Variants in RHEB observed in about 807,000 individuals in gnomAD.
RHEB encodes the protein GTP-binding protein Rheb.
In RHEB, 2 loss-of-function variants were observed where a neutral mutation model predicts 28.8. The ratio of observed to expected loss-of-function variants is 0.07; its 90% CI spans 0.03 to 0.22. The LOEUF (loss-of-function observed/expected upper bound fraction) is 0.22. RHEB is among the 10% of genes least tolerant of loss of function. The pLI, the probability that RHEB is intolerant of heterozygous loss-of-function variation, is 1.00. For synonymous variants in RHEB, 69 were observed against 77.3 expected (o/e 0.89, Z 0.56); for missense variants, 76 against 219.9 (o/e 0.35, Z 4.14).
rs1458600609 is a variant in RHEB at position 151,468,786 on chromosome 7, C to G, written c.463-1575G>C. Among the ~76,000 whole-genome samples, 1 of 152,184 alleles carries G rather than the reference C, an allele frequency of 6.6e-6. No individual in the cohort carries two copies. The highest frequency in any genetic ancestry group is 2.4e-5 in the African/African-American group (1 of 41,432). On this transcript the variant is annotated intron_variant, in intron 7 of 7. Transcript: ENST00000262187. The surrounding 1 kb of genome is among the most constrained non-coding windows in gnomAD (Gnocchi z 4.3). ...AACTGAAGCCAACCCCAGGTCCCAC[C>G]CCGCTTGTCTAATCTAGGTCACCGG... is the stretch of plus-strand genomic sequence containing the variant.
chr7:151,504,264 G>C (rs1272431058), intron 1 of RHEB, among the ~76,000 whole-genome samples: 5 of 152,092 alleles, frequency 3.3e-5, no homozygotes, highest in Non-Finnish European at 7.3e-5. Flanking sequence ...GATATGATGG[G>C]GCTTCTGTGC....
intron 1 of RHEB, among the ~76,000 whole-genome samples, chr7:151,508,377 T>C (rs1272967803): frequency 6.6e-6 from 1 of 152,124 alleles, no homozygotes; most frequent in Non-Finnish European, 1.5e-5. Context: ...ACCAATTCAC[T>C]CCTCACAGTA....
chr7:151,475,338 A>G (rs983937332), intron 4 of RHEB, among the ~76,000 whole-genome samples: 1 of 152,238 alleles, frequency 6.6e-6, no homozygotes, highest in Non-Finnish European at 1.5e-5. Context: ...TCAAAGTAAC[A>G]ATTTGTAAAG....
intron 4 of RHEB, 31 bp downstream of exon 4, chr7:151,477,302 A>G (rs369961849): frequency 2.7e-5 from 35 of 1,279,044 alleles, no homozygotes; most frequent in Non-Finnish European, 3.9e-5. Flanking sequence ...ATGAGTAGCA[A>G]ATCAACTCAA....
intron 1 of RHEB, among the ~76,000 whole-genome samples, chr7:151,504,255 A>G (rs997778765): frequency 6.6e-6 from 1 of 152,146 alleles, no homozygotes; most frequent in African/African-American, 2.4e-5. Context: ...TTTGGGTTGG[A>G]TATGATGGGG....
chr7:151,478,994 A>G (rs952748448), intron 3 of RHEB, among the ~76,000 whole-genome samples: 4 of 152,054 alleles, frequency 2.6e-5, no homozygotes, highest in African/African-American at 9.6e-5. Flanking sequence ...CAGTGGCAGG[A>G]GCTACTGTGC....
At chr7:151,507,477 C>T (rs891881924) in intron 1 of RHEB, among the ~76,000 whole-genome samples, 30 of 152,172 alleles carry the variant, frequency 2.0e-4, no homozygotes, top group African/African-American at 4.8e-4. Context: ...CCCACATGTC[C>T]GTCATATAGA....
At chr7:151,517,417 C>T (rs1803101512) in intron 1 of RHEB, among the ~76,000 whole-genome samples, 1 of 150,102 alleles carries the variant, frequency 6.7e-6, no homozygotes, top group Non-Finnish European at 1.5e-5. Context: ...AGCAACTTAA[C>T]CTCTCCAAAA....
Position 151,515,373 on chromosome 7 carries a change from G to C in RHEB, c.52+4087C>G, listed in dbSNP as rs550777384. ...TGGAGAGTGACTGCTAATGAGTACA[G>C]AGTTTCTTTTTGGGGTGATGAAGTA... On this transcript the variant is annotated intron_variant, in intron 1 of 7. Transcript: ENST00000262187. Among the ~76,000 whole-genome samples, 252 of 152,352 alleles carry C rather than the reference G, an allele frequency of 1.7e-3. 9 individuals are homozygous for C. Among genetic ancestry groups the C allele is most frequent in the Non-Finnish European group, 9.8e-4 (67 of 68,040 alleles).
At chr7:151,495,219 T>C (rs1802652949) in intron 1 of RHEB, among the ~76,000 whole-genome samples, 1 of 152,200 alleles carries the variant, frequency 6.6e-6, no homozygotes, top group Non-Finnish European at 1.5e-5. Flanking sequence ...GGAAAAATGT[T>C]ACATGAAAAC....
intron 1 of RHEB, among the ~76,000 whole-genome samples, chr7:151,514,796 G>A (rs1803046367): frequency 6.6e-6 from 1 of 152,066 alleles, no homozygotes; most frequent in South Asian, 2.1e-4. Context: ...CCCAACACTG[G>A]GAGACTGAGA....
intron 3 of RHEB, among the ~76,000 whole-genome samples, chr7:151,481,235 A>G (rs544732476): frequency 1.3e-5 from 2 of 152,286 alleles, no homozygotes; most frequent in South Asian, 4.1e-4. Context: ...GCAATCTAAA[A>G]ATAATCTGTA....
chr7:151,498,666 G>C (rs181296801), intron 1 of RHEB, among the ~76,000 whole-genome samples: 1 of 152,178 alleles, frequency 6.6e-6, no homozygotes, highest in Non-Finnish European at 1.5e-5. Flanking sequence ...TGTGACTTCT[G>C]GATGTCTACC....
At chr7:151,473,175 T>C (rs1392178125) in intron 4 of RHEB, among the ~76,000 whole-genome samples, 1 of 152,180 alleles carries the variant, frequency 6.6e-6, no homozygotes, top group Non-Finnish European at 1.5e-5. Flanking sequence ...GGTTAGGTTA[T>C]AAAAGACAGT....
intron 1 of RHEB, 160 bp downstream of exon 1, chr7:151,519,300 G>C: frequency 2.5e-6 from 1 of 394,960 alleles, no homozygotes; most frequent in Non-Finnish European, 3.9e-6. Flanking sequence ...CGCCCCGACC[G>C]CCACCACCTC....
intron 1 of RHEB, among the ~76,000 whole-genome samples, chr7:151,505,113 A>C (rs1802845908): frequency 6.6e-6 from 1 of 151,714 alleles, no homozygotes; most frequent in African/African-American, 2.4e-5. Context: ...AAAAAAAAAA[A>C]CAACTTTATG....
At chr7:151,480,084 GAGGGTGT>G (rs1408294202) in intron 3 of RHEB, among the ~76,000 whole-genome samples, 2 of 152,214 alleles carry the variant, frequency 1.3e-5, no homozygotes, top group African/African-American at 4.8e-5. Context: ...TAGTGCTGGT[GAGGGTGT>G]AGGGAAATAG....
At chr7:151,480,487 G>C (rs560299101) in intron 3 of RHEB, among the ~76,000 whole-genome samples, 7 of 150,596 alleles carry the variant, frequency 4.6e-5, no homozygotes, top group Non-Finnish European at 7.4e-5. Context: ...GGTAAATGTG[G>C]TTGCTGGTGG....
chr7:151,487,164 G>A (rs780007784), intron 2 of RHEB, among the ~76,000 whole-genome samples: 3 of 152,238 alleles, frequency 2.0e-5, no homozygotes, highest in Non-Finnish European at 2.9e-5. Flanking sequence ...CTGCTCCAGC[G>A]TGGTGGCTCA....
Sources: gnomAD v4.1 joint callset for allele counts (sites outside exome capture counted in the v4.1 genomes callset) on GRCh38, gnomAD v4.1.1 for gene constraint, Gnocchi (gnomAD v3.1) non-coding constraint, MANE v1.5 for transcripts, NCBI Gene and HGNC (gene_info 2026-07-23, HGNC 2026-07-21) for gene names.